The following ANKRD55 variants were observed in gnomAD, a reference collection of about 807,000 sequenced individuals.
The protein encoded by ANKRD55 is ankyrin repeat domain 55, also known as ankyrin repeat domain-containing protein 55.
Under a neutral mutation model 60.6 loss-of-function variants are expected in ANKRD55, and 41 were observed. The observed-to-expected ratio is 0.68, with a 90% confidence interval of 0.53 to 0.88. ANKRD55 has a LOEUF of 0.88. Ranked by LOEUF, ANKRD55 falls within the 40% of genes least tolerant of loss-of-function variation. The pLI, the probability that ANKRD55 is intolerant of heterozygous loss-of-function variation, is 0.00. For synonymous variants in ANKRD55, 264 were observed against 290.3 expected, an observed-to-expected ratio of 0.91 and a Z score of 0.92; for missense variants, 732 against 767.6, an observed-to-expected ratio of 0.95 and a Z score of 0.55.
intron 2 of ANKRD55, among the ~76,000 whole-genome samples, chr5:56,192,236 T>A (rs1759112492): frequency 6.6e-6 from 1 of 152,218 alleles, no homozygotes; most frequent in South Asian, 2.1e-4. Context: ...GATAGACTTC[T>A]GTACGGGTGC....
chr5:56,208,549 C>T lies in ANKRD55; in HGVS notation c.58+24307G>A, dbSNP rs193285210. On this transcript the variant is annotated intron_variant, in intron 2 of 11. Coordinates refer to ENST00000341048, the MANE Select transcript of ANKRD55 (RefSeq NM_024669.3). ...AAGCAATTCTCCTGGCTTAGCCTCCCGAGTAGCTGGGACTACAGGCGCCCG... is the reference window on the plus strand; with the variant it reads ...AAGCAATTCTCCTGGCTTAGCCTCCTGAGTAGCTGGGACTACAGGCGCCCG... Among the ~76,000 whole-genome samples, 18 of 151,490 alleles carry T rather than the reference C, an allele frequency of 1.2e-4. No homozygotes were observed. In the South Asian group the frequency reaches 2.3e-3, roughly 19 times the overall value.
At chr5:56,184,775 G>A (rs921220489) in intron 2 of ANKRD55, among the ~76,000 whole-genome samples, 1 of 152,056 alleles carries the variant, frequency 6.6e-6, no homozygotes, top group African/African-American at 2.4e-5. Context: ...GTGGGTACCT[G>A]TAGTCCCAGG....
At chr5:56,199,317 C>T (rs1249233171) in intron 2 of ANKRD55, among the ~76,000 whole-genome samples, 2 of 151,972 alleles carry the variant, frequency 1.3e-5, no homozygotes, top group Non-Finnish European at 2.9e-5. Context: ...AATTAATAAC[C>T]TACATGAAGT....
intron 2 of ANKRD55, among the ~76,000 whole-genome samples, chr5:56,192,276 G>T (rs1759113995): frequency 6.6e-6 from 1 of 152,226 alleles, no homozygotes; most frequent in South Asian, 2.1e-4. Flanking sequence ...TACACACAGG[G>T]TGAGAGACTC....
rs552752096 is a variant in ANKRD55 at position 56,221,151 on chromosome 5, T to G, written c.58+11705A>C. Among the ~76,000 whole-genome samples, 5 of 152,312 alleles carry G rather than the reference T, an allele frequency of 3.3e-5. No homozygotes were observed. In the South Asian group the frequency reaches 1.0e-3, roughly 32 times the overall value. On this transcript the variant is annotated intron_variant, in intron 2 of 11. Transcript: ENST00000341048. The stretch of plus-strand genomic sequence containing the variant: ...CAGCAACTGAGCCCAAATCATTCCC[T>G]TTCCTTTCCCATCTCCTATGCTTGC...
At chr5:56,217,466 G>C (rs1759841085) in intron 2 of ANKRD55, among the ~76,000 whole-genome samples, 1 of 152,058 alleles carries the variant, frequency 6.6e-6, no homozygotes, top group African/African-American at 2.4e-5. Flanking sequence ...ATTTTGCAAG[G>C]CTATAGCCTC....
intron 2 of ANKRD55, among the ~76,000 whole-genome samples, chr5:56,202,380 G>A (rs145468205): frequency 6.6e-6 from 1 of 151,898 alleles, no homozygotes; most frequent in Non-Finnish European, 1.5e-5. Context: ...GACATTGATA[G>A]GCACTTGTGT....
intron 2 of ANKRD55, among the ~76,000 whole-genome samples, chr5:56,223,203 A>G (rs1242302449): frequency 6.6e-6 from 1 of 152,248 alleles, no homozygotes; most frequent in African/African-American, 2.4e-5. Flanking sequence ...AATATTCAAC[A>G]TTCTTAAAGA....
chr5:56,148,654 ATT>A (rs11377254), intron 6 of ANKRD55, among the ~76,000 whole-genome samples: 2 of 147,698 alleles, frequency 1.4e-5, no homozygotes, highest in Non-Finnish European at 3.0e-5. Flanking sequence ...TTCTCAGAAC[ATT>A]TTTTTTTTTT....
In ANKRD55 at chr5:56,131,280, T is replaced by C. The variant is rs528319834; in HGVS notation, c.613-4174A>G. 2.4e-4 allele frequency among the ~76,000 whole-genome samples: 37 copies of C among 152,258 alleles called. 1 individual carries two copies. Among genetic ancestry groups the C allele is most frequent in the Admixed American group, 5.9e-4 (9 of 15,294 alleles). Reference sequence around the variant, plus strand: ...CCAGAGGAAAAGAACACCTTACCTATAGAGGAGCAAAGAGAAGGATTACCT... The same window carrying C: ...CCAGAGGAAAAGAACACCTTACCTACAGAGGAGCAAAGAGAAGGATTACCT... On this transcript the variant is annotated intron_variant, in intron 7 of 11. Coordinates refer to ENST00000341048, the MANE Select transcript of ANKRD55 (RefSeq NM_024669.3).
At chr5:56,196,656 T>C (rs1299856224) in intron 2 of ANKRD55, among the ~76,000 whole-genome samples, 1 of 152,224 alleles carries the variant, frequency 6.6e-6, no homozygotes, top group Non-Finnish European at 1.5e-5. Flanking sequence ...TTTCCATTTT[T>C]ATTTATATGA....
chr5:56,147,019 C>T (rs1004395588), intron 6 of ANKRD55, among the ~76,000 whole-genome samples: 2 of 152,184 alleles, frequency 1.3e-5, no homozygotes, highest in Admixed American at 1.3e-4. Context: ...CTTTAAACAA[C>T]CGCAAGAAAC....
rs764008387 is a variant in ANKRD55 at position 56,111,547 on chromosome 5, C to T, written c.1201G>A (p.Val401Met). The T allele has an allele frequency of 8.7e-6, 14 of 1,613,408 alleles. No homozygotes were observed. The change falls in exon 10 of 12, where the codon GTG becomes ATG. Residue 401 changes from valine to methionine, a missense_variant. Transcript: ENST00000341048. ...TNCQEQPGDQ[V>M]AMVEFKKKTS... ...TTCTTCTTAAATTCAACCATAGCCA[C>T]CTGATCACCAGGCTGTTCTTGGCAG... is the stretch of plus-strand genomic sequence containing the variant.
At chr5:56,198,923 C>T (rs1759291019) in intron 2 of ANKRD55, among the ~76,000 whole-genome samples, 1 of 150,124 alleles carries the variant, frequency 6.7e-6, no homozygotes, top group Non-Finnish European at 1.5e-5. Flanking sequence ...ACTAAAAATA[C>T]AAAAAATTTA....
At chr5:56,109,973 G>A (rs1756624911) in intron 10 of ANKRD55, among the ~76,000 whole-genome samples, 1 of 151,982 alleles carries the variant, frequency 6.6e-6, no homozygotes, top group Non-Finnish European at 1.5e-5. Context: ...AGCAGAGATC[G>A]TGTCACTGTG....
chr5:56,146,128 G>T (rs1480576941), intron 6 of ANKRD55, among the ~76,000 whole-genome samples: 1 of 152,076 alleles, frequency 6.6e-6, no homozygotes, highest in East Asian at 1.9e-4. Context: ...GCTTCATCAC[G>T]AAGTGCCAAA....
intron 2 of ANKRD55, among the ~76,000 whole-genome samples, chr5:56,222,596 A>T (rs1759994830): frequency 6.7e-6 from 1 of 149,232 alleles, no homozygotes; most frequent in Admixed American, 6.7e-5. Flanking sequence ...AAAGAAGCTA[A>T]AAACCTTGAA....
chr5:56,192,894 T>C, intron 2 of ANKRD55: 2 of 643,602 alleles, frequency 3.1e-6, no homozygotes, highest in Non-Finnish European at 5.5e-6. Flanking sequence ...CAGCGTTGTC[T>C]AAAAGTATTT....
At position 56,133,855 on chromosome 5, in the gene ANKRD55, A is replaced by T. The variant is rs144475359; in HGVS notation, c.613-6749T>A. 5.0e-3 allele frequency among the ~76,000 whole-genome samples: 578 copies of T among 115,394 alleles called. 137 individuals carry two copies. Among genetic ancestry groups the T allele is most frequent in the African/African-American group, 0.015 (543 of 35,610 alleles). 75.7% of individuals were successfully genotyped at this position (115,394 alleles called of 152,430 possible). A position where few individuals can be genotyped will look rare whatever the true frequency, so the allele number is the denominator to read the frequency against. ...ATGTATATATTAAAAAAGAAGAAAG[A>T]TCTAGAATCAATTATATAAGCTTAC... is the stretch of plus-strand genomic sequence containing the variant. On this transcript the variant is annotated intron_variant, in intron 7 of 11. Coordinates refer to ENST00000341048, the MANE Select transcript of ANKRD55 (RefSeq NM_024669.3).
Sources: gnomAD v4.1 joint callset for allele counts (sites outside exome capture counted in the v4.1 genomes callset) on GRCh38, gnomAD v4.1.1 for gene constraint, MANE v1.5 for transcripts, NCBI Gene and HGNC (gene_info 2026-07-23, HGNC 2026-07-21) for gene names.